SYT12: variants seen among roughly 807,000 people sequenced by gnomAD.
SYT12 encodes synaptotagmin 12.
A neutral mutation model predicts 39.5 loss-of-function variants in SYT12; 27 were observed. That is an observed-to-expected ratio of 0.68 (90% CI 0.50 to 0.94). The LOEUF (loss-of-function observed/expected upper bound fraction) is 0.94, where lower values mean the gene tolerates loss of function less well. SYT12 is among the 40% of genes least tolerant of loss of function. The pLI is 0.00. For synonymous variants in SYT12, 233 were observed against 239.7 expected, an observed-to-expected ratio of 0.97 and a Z score of 0.26; for missense variants, 536 against 572.6, an observed-to-expected ratio of 0.94 and a Z score of 0.65.
At chr11:67,009,156 C>T (rs2136191959) in intron 1 of SYT12, among the ~76,000 whole-genome samples, 1 of 152,280 alleles carries the variant, frequency 6.6e-6, no homozygotes, top group East Asian at 1.9e-4. Flanking sequence ...CAGGCATGTG[C>T]TACCACGCCT....
At chr11:67,044,972 G>A (rs908676505) in intron 6 of SYT12, among the ~76,000 whole-genome samples, 18 of 152,106 alleles carry the variant, frequency 1.2e-4, no homozygotes, top group Non-Finnish European at 2.6e-4. Flanking sequence ...AGAGTGATGC[G>A]GGGGTCTCAG....
chr11:67,024,701 T>C (rs1348569225), intron 1 of SYT12, among the ~76,000 whole-genome samples: 1 of 152,054 alleles, frequency 6.6e-6, no homozygotes, highest in Non-Finnish European at 1.5e-5. Context: ...TGTGGGCTGT[T>C]TGGGGGATGG....
chr11:67,013,696 G>T (rs77315857), intron 3 of SYT12, among the ~76,000 whole-genome samples: 2 of 152,180 alleles, frequency 1.3e-5, no homozygotes, highest in African/African-American at 2.4e-5. Context: ...GGCCCCCGGC[G>T]CAGGGCCTCC....
At chr11:67,026,674 T>C (rs1950185519) in intron 1 of SYT12, 1 of 152,038 alleles carries the variant, frequency 6.6e-6, no homozygotes, top group Non-Finnish European at 1.5e-5. Flanking sequence ...TGAGGCACAG[T>C]CTCACTATGT....
rs561352917 is a variant in SYT12 at position 67,037,153 on chromosome 11, G to T, written c.228+2315G>T. ...GCCTGTAATTCCAGCTACTCAGCAG[G>T]CTGAGACACAAGAATTGCTTGAACC... On this transcript the variant is annotated intron_variant, in intron 3 of 7. Transcript: ENST00000527043. Among the ~76,000 whole-genome samples, 4 of 152,238 alleles carry T rather than the reference G, an allele frequency of 2.6e-5. No individual in the cohort carries two copies. The South Asian group carries it at 8.3e-4, about 32-fold the overall frequency.
chr11:67,044,766 G>GC (rs753434965), intron 6 of SYT12, 53 bp downstream of exon 6: 23 of 1,606,944 alleles, frequency 1.4e-5, no homozygotes, highest in Non-Finnish European at 1.7e-5. Flanking sequence ...GGAAGCTGTG[G>GC]CCCAGCTGCT....
At chr11:67,047,091 A>G (rs1854579445) in intron 7 of SYT12, among the ~76,000 whole-genome samples, 1 of 151,632 alleles carries the variant, frequency 6.6e-6, no homozygotes, top group African/African-American at 2.4e-5. Context: ...CAGCTTCCTG[A>G]GTAGCTGGGA....
intron 2 of SYT12, chr11:67,032,923 GAAAAAGAAA>G (rs1950297925): frequency 6.7e-6 from 1 of 150,370 alleles, no homozygotes; most frequent in Non-Finnish European, 1.4e-5. Context: ...AAAAAAAAAA[GAAAAAGAAA>G]GAAAAGAAAA....
chr11:67,039,676 A>G, intron 3 of SYT12, 135 bp from the exon 4 acceptor site: 1 of 1,077,442 alleles, frequency 9.3e-7, no homozygotes, highest in Non-Finnish European at 1.3e-6. Context: ...TTCCTAGCTA[A>G]GGGATGCAGG....
intron 4 of SYT12, among the ~76,000 whole-genome samples, chr11:67,041,215 G>A (rs949858520): frequency 2.0e-5 from 3 of 151,540 alleles, no homozygotes; most frequent in African/African-American, 7.3e-5. Flanking sequence ...GCTCACACCT[G>A]TAATCCCAGC....
chr11:67,048,267 T>G (rs1485271210), intron 7 of SYT12, among the ~76,000 whole-genome samples: 1 of 124,920 alleles, frequency 8.0e-6, no homozygotes, highest in African/African-American at 3.2e-5. Flanking sequence ...TGAGACTGTC[T>G]CAAAAAAAAA....
chr11:67,034,689 G>A lies in SYT12; in HGVS notation c.79G>A (p.Gly27Arg). 6.2e-7 allele frequency: 1 copy of A among 1,602,774 alleles called. No homozygotes were observed. Among genetic ancestry groups the A allele is most frequent in the South Asian group, 1.1e-5 (1 of 89,078 alleles). Reference protein sequence around the residue: ...PGWEVGVYAAGALALLGIAAV... With the variant: ...PGWEVGVYAARALALLGIAAV... Reference sequence around the variant, plus strand: ...CTGGGAGGTGGGTGTCTATGCTGCAGGGGCCCTGGCCCTGCTGGGAATCGC... The same window carrying A: ...CTGGGAGGTGGGTGTCTATGCTGCAAGGGCCCTGGCCCTGCTGGGAATCGC... Residue 27 changes from glycine to arginine, a missense_variant, in exon 3 of 8, where the codon GGG (glycine) becomes AGG (arginine). Coordinates refer to ENST00000527043, the MANE Select transcript of SYT12 (RefSeq NM_177963.4).
intron 2 of SYT12, chr11:67,032,809 G>A (rs1303962338): frequency 1.3e-5 from 2 of 152,030 alleles, no homozygotes; most frequent in Non-Finnish European, 1.5e-5. Context: ...GGAGGCTGAG[G>A]CAGGAGAATC....
intron 3 of SYT12, among the ~76,000 whole-genome samples, chr11:67,016,422 A>G (rs1050426444): frequency 1.3e-5 from 2 of 152,176 alleles, no homozygotes; most frequent in Non-Finnish European, 2.9e-5. Flanking sequence ...GTAAGAGACT[A>G]TGGGAAGAAA....
chr11:67,008,676 G>A (rs999241146), intron 1 of SYT12, among the ~76,000 whole-genome samples: 49 of 152,208 alleles, frequency 3.2e-4, no homozygotes, highest in African/African-American at 1.2e-3. Context: ...TCAGCCTCCT[G>A]AGTAGCTGGA....
At chr11:67,020,304 C>G (rs1950096301), upstream of SYT12, among the ~76,000 whole-genome samples, 1 of 152,132 alleles carries the variant, frequency 6.6e-6, no homozygotes, top group South Asian at 2.1e-4. Context: ...CCAGAAGGCC[C>G]AGGAGGCAGG....
At chr11:67,040,361 T>C (rs1421085731) in intron 4 of SYT12, among the ~76,000 whole-genome samples, 158 bp downstream of exon 4, 1 of 151,592 alleles carries the variant, frequency 6.6e-6, no homozygotes, top group African/African-American at 2.4e-5. Flanking sequence ...TAGAGGGAGC[T>C]CTGTACAGAG....
At chr11:67,019,896 CAAAAAAAAA>C (rs71461631), upstream of SYT12, among the ~76,000 whole-genome samples, 1 of 116,668 alleles carries the variant, frequency 8.6e-6, no homozygotes, top group Non-Finnish European at 1.8e-5. Flanking sequence ...GACCCTGTCT[CAAAAAAAAA>C]AAAAAAAAGT....
rs754615830 is a variant in SYT12, at chr11:67,034,741, C to T, written c.131C>T (p.Thr44Met). Residue 44 changes from threonine (T) to methionine (M), a missense_variant, in exon 3 of 8, where the codon ACG (threonine) becomes ATG (methionine). Transcript: ENST00000527043. ...IAAVSLWKLW[T>M]SGSFPSPSPF... ...GCTGTGAGCCTGTGGAAGCTCTGGA[C>T]GTCGGGGAGCTTCCCCAGCCCCTCT... 16 of 1,603,184 alleles carry T rather than the reference C, an allele frequency of 1.0e-5. No individual in the cohort carries two copies. The highest frequency in any genetic ancestry group is 5.4e-5 in the African/African-American group (4 of 74,204).
Sources: gnomAD v4.1 joint callset for allele counts (sites outside exome capture counted in the v4.1 genomes callset) on GRCh38, gnomAD v4.1.1 for gene constraint, MANE v1.5 for transcripts, NCBI Gene and HGNC (gene_info 2026-07-23, HGNC 2026-07-21) for gene names.